Variants in RHBDL3 observed in about 807,000 individuals in gnomAD.
The protein encoded by RHBDL3 is rhomboid like 3.
In RHBDL3, 28 loss-of-function variants were observed where a neutral mutation model predicts 48.2. The observed-to-expected ratio is 0.58, with a 90% CI of 0.43 to 0.80. RHBDL3 has a LOEUF of 0.80. RHBDL3 is among the 30% of genes least tolerant of loss of function. The pLI, the probability that RHBDL3 is intolerant of heterozygous loss-of-function variation, is 0.00. For missense variants in RHBDL3, 464 were observed against 542.7 expected, an observed-to-expected ratio of 0.85 and a Z score of 1.44; for synonymous variants, 208 against 232.3, an observed-to-expected ratio of 0.90 and a Z score of 0.95.
Position 32,323,522 on chromosome 17 carries a change from G to A in RHBDL3, c.*2293G>A, listed in dbSNP as rs1026194942. ...CCCCTGGGGATTCTGTGGTGTGGGT[G>A]GAATGAGCAGAGTGCCACCTCTGTC... is the stretch of plus-strand genomic sequence containing the variant. On this transcript the variant is annotated 3_prime_UTR_variant, in exon 9 of 9. Transcript: ENST00000269051. 1 of 152,428 alleles carries A rather than the reference G, an allele frequency of 6.6e-6. No homozygotes were observed. Among genetic ancestry groups the A allele is most frequent in the African/African-American group, 2.4e-5 (1 of 41,422 alleles). 9.4% of individuals were successfully genotyped at this position (152,428 alleles called of 1,614,324 possible). A position where few individuals can be genotyped will look rare whatever the true frequency, so the allele number is the denominator to read the frequency against.
chr17:32,274,712 TA>T (rs1400627357), intron 2 of RHBDL3, among the ~76,000 whole-genome samples: 1 of 152,048 alleles, frequency 6.6e-6, no homozygotes, highest in East Asian at 1.9e-4. Context: ...CTATTTAAAA[TA>T]AAAAGGGAAA....
At chr17:32,267,287 A>C (rs2039656661) in intron 1 of RHBDL3, among the ~76,000 whole-genome samples, 1 of 152,168 alleles carries the variant, frequency 6.6e-6, no homozygotes, top group South Asian at 2.1e-4. Context: ...GTCACCACTT[A>C]GACTCAGCCT....
At chr17:32,298,643 A>AT (rs1213192248) in intron 6 of RHBDL3, among the ~76,000 whole-genome samples, 1 of 152,238 alleles carries the variant, frequency 6.6e-6, no homozygotes, top group East Asian at 1.9e-4. Flanking sequence ...GCACAGTGAG[A>AT]TCCCCACAGG....
intron 2 of RHBDL3, among the ~76,000 whole-genome samples, chr17:32,283,241 G>T (rs2040101117): frequency 6.6e-6 from 1 of 151,970 alleles, no homozygotes; most frequent in African/African-American, 2.4e-5. Flanking sequence ...GTGGGCATTG[G>T]GTGGGCTCCG....
Position 32,288,868 on chromosome 17 carries a change from T to C in RHBDL3, c.371T>C (p.Leu124Pro), listed in dbSNP as rs2040259193. 6.2e-7 allele frequency: 1 copy of C among 1,614,184 alleles called. No individual in the cohort carries two copies. The highest frequency in any genetic ancestry group is 8.5e-7 in the Non-Finnish European group (1 of 1,180,032). ...CGCAGGCTAAGCAGCAAGGCCCTGCTGGAGGAGAAGGGGCTGAGCCTCTCG... is the reference window on the plus strand; with the variant it reads ...CGCAGGCTAAGCAGCAAGGCCCTGCCGGAGGAGAAGGGGCTGAGCCTCTCG... ...GNRRLSSKAL[L>P]EEKGLSLSQR... is the part of the protein sequence containing the mutation. Residue 124 changes from leucine (L) to proline (P), a missense_variant, in exon 4 of 9, where the codon CTG (leucine) becomes CCG (proline). Transcript: ENST00000269051.
chr17:32,287,900 A>AG lies in RHBDL3; in HGVS notation c.295-890dup, dbSNP rs546402090. ...GGCCTCGGGAGGCCAGGAGTCAGCA[A>AG]GGCCACCTCTGGTCTCCGAGTCAGG... is the stretch of plus-strand genomic sequence containing the variant. On this transcript the variant is annotated intron_variant, in intron 3 of 8. Coordinates refer to ENST00000269051, the MANE Select transcript of RHBDL3 (RefSeq NM_138328.3). Among the ~76,000 whole-genome samples the AG allele has an allele frequency of 6.6e-5, 10 of 152,330 alleles. No individual in the cohort carries two copies. In the East Asian group the frequency reaches 1.7e-3, roughly 26 times the overall value.
chr17:32,266,318 G>C lies in RHBDL3; in HGVS notation c.111+18G>C. On this transcript the variant is annotated intron_variant, in intron 1 of 8. Transcript: ENST00000269051. ...CGGAGGACGTGAGTGCCCCCTCCCC[G>C]CCCGGCAAACTTTCTAGGGGGCGCC... 1 of 1,366,524 alleles carries C rather than the reference G, an allele frequency of 7.3e-7. No homozygotes were observed. The allele number at this position is 1,366,524 out of a possible 1,614,324, so 84.6% of individuals were successfully genotyped here.
rs2041157258 is a variant in RHBDL3, at chr17:32,322,399, C to A, written c.*1170C>A. ...GGGAGAGCTCAAGCCCTCCAAGGAT[C>A]CCTGGATGCTGAGGTTTGCCAGGTT... On this transcript the variant is annotated 3_prime_UTR_variant, in exon 9 of 9. Coordinates refer to ENST00000269051, the MANE Select transcript of RHBDL3 (RefSeq NM_138328.3). 3 of 152,380 alleles carry A rather than the reference C, an allele frequency of 2.0e-5. No homozygotes were observed. 9.4% of individuals were successfully genotyped at this position (152,380 alleles called of 1,614,324 possible).
intron 8 of RHBDL3, among the ~76,000 whole-genome samples, chr17:32,320,487 C>T (rs1018453399): frequency 2.0e-5 from 3 of 152,160 alleles, no homozygotes; most frequent in Non-Finnish European, 4.4e-5. Flanking sequence ...CCACACCCAG[C>T]TAATGTTTGT....
At chr17:32,271,554 A>G (rs1388934793) in intron 2 of RHBDL3, among the ~76,000 whole-genome samples, 1 of 152,234 alleles carries the variant, frequency 6.6e-6, no homozygotes, top group East Asian at 1.9e-4. Context: ...CGGGGCAGTG[A>G]CAGATATGGG....
intron 5 of RHBDL3, among the ~76,000 whole-genome samples, chr17:32,296,567 G>A (rs1319582883): frequency 1.3e-5 from 2 of 151,316 alleles, no homozygotes; most frequent in African/African-American, 2.4e-5. Flanking sequence ...AACTCCTGAC[G>A]TTGTGATCCG....
chr17:32,315,267 C>T (rs1720388271), intron 7 of RHBDL3, among the ~76,000 whole-genome samples: 1 of 152,216 alleles, frequency 6.6e-6, no homozygotes, highest in Non-Finnish European at 1.5e-5. Flanking sequence ...TGGTTGTGCC[C>T]TCCTTCCCTG....
At chr17:32,278,402 G>A (rs542846355) in intron 2 of RHBDL3, among the ~76,000 whole-genome samples, 33 of 152,320 alleles carry the variant, frequency 2.2e-4, no homozygotes, top group African/African-American at 7.2e-4. Flanking sequence ...GAGGAATCCT[G>A]AACTATTTCT....
chr17:32,291,374 G>A (rs1186660924), intron 4 of RHBDL3, among the ~76,000 whole-genome samples: 3 of 151,056 alleles, frequency 2.0e-5, no homozygotes, highest in Non-Finnish European at 4.4e-5. Flanking sequence ...TTAGGACCTT[G>A]AGTGTATGAG....
intron 2 of RHBDL3, among the ~76,000 whole-genome samples, chr17:32,270,780 A>G (rs993341216): frequency 3.3e-5 from 5 of 152,060 alleles, no homozygotes; most frequent in African/African-American, 9.7e-5. Context: ...TCCTGTTCAA[A>G]CTTCTTCTTG....
intron 4 of RHBDL3, among the ~76,000 whole-genome samples, chr17:32,289,909 A>G (rs1025697527): frequency 6.6e-6 from 1 of 152,200 alleles, no homozygotes; most frequent in African/African-American, 2.4e-5. Flanking sequence ...CTTTTCTTCT[A>G]AGTCAGAATA....
chr17:32,278,126 C>T (rs538906504), intron 2 of RHBDL3, among the ~76,000 whole-genome samples: 29 of 152,054 alleles, frequency 1.9e-4, no homozygotes, highest in African/African-American at 6.0e-4. Flanking sequence ...GGTGAAACCT[C>T]GTCTCTACTA....
intron 2 of RHBDL3, among the ~76,000 whole-genome samples, chr17:32,283,106 C>T (rs2040098162): frequency 6.6e-6 from 1 of 152,130 alleles, no homozygotes; most frequent in Non-Finnish European, 1.5e-5. Flanking sequence ...TCCTCAATGT[C>T]TGTTTGCCTT....
rs573049150 is a variant in RHBDL3 at position 32,308,936 on chromosome 17, C to T, written c.882+3495C>T. 2.0e-5 allele frequency among the ~76,000 whole-genome samples: 3 copies of T among 151,866 alleles called. No individual in the cohort carries two copies. The East Asian group carries it at 5.8e-4, about 30-fold the overall frequency. ...CCAAAATTAGCCAGGTGTGGTGGTACGTGCCTATAATCCCAGCTACTCAGG... is the reference window on the plus strand; with the variant it reads ...CCAAAATTAGCCAGGTGTGGTGGTATGTGCCTATAATCCCAGCTACTCAGG... On this transcript the variant is annotated intron_variant, in intron 7 of 8. Transcript: ENST00000269051.
Sources: gnomAD v4.1 joint callset for allele counts (sites outside exome capture counted in the v4.1 genomes callset) on GRCh38, gnomAD v4.1.1 for gene constraint, MANE v1.5 for transcripts, NCBI Gene and HGNC (gene_info 2026-07-23, HGNC 2026-07-21) for gene names.